FARP1: variants seen among roughly 807,000 people sequenced by gnomAD.
The protein encoded by FARP1 is FERM, ARHGEF and pleckstrin domain-containing protein 1.
In FARP1, 52 loss-of-function variants were observed where a neutral mutation model predicts 128.8. The observed-to-expected ratio is 0.40, with a 90% CI of 0.32 to 0.51. FARP1 has a LOEUF of 0.51. Among genes scored for constraint, FARP1 ranks in the 20% least tolerant of loss-of-function variants. The pLI, the probability that FARP1 is intolerant of heterozygous loss-of-function variation, is 0.45. For synonymous variants in FARP1, 580 were observed against 551.8 expected (o/e 1.05, Z -0.72); for missense variants, 1,333 against 1,367.9 (o/e 0.97, Z 0.40).
chr13:98,413,365 TTAAAAA>T (rs1265974697), intron 16 of FARP1, among the ~76,000 whole-genome samples: 11 of 152,264 alleles, frequency 7.2e-5, no homozygotes, highest in African/African-American at 2.4e-4. Context: ...CTTTTCAAAA[TTAAAAA>T]TAAAAATGTG....
rs551706415 is a variant in FARP1, at chr13:98,189,667, G to A, written c.-23-23553G>A. Among the ~76,000 whole-genome samples, 17 of 152,288 alleles carry A rather than the reference G, an allele frequency of 1.1e-4. No individual in the cohort carries two copies. The East Asian group carries it at 3.3e-3, about 29-fold the overall frequency. On this transcript the variant is annotated intron_variant, in intron 1 of 26. Transcript: ENST00000319562. ...GAGAATATTTACTTATTATTGCCATGCATATTATAGAAAACTTCTCAAGTC... is the reference window on the plus strand; with the variant it reads ...GAGAATATTTACTTATTATTGCCATACATATTATAGAAAACTTCTCAAGTC...
intron 2 of FARP1, among the ~76,000 whole-genome samples, chr13:98,325,937 A>G (rs1887214235): frequency 6.6e-6 from 1 of 152,272 alleles, no homozygotes; most frequent in African/African-American, 2.4e-5. Context: ...AGCTTGTTTT[A>G]TAGCTTCTCT....
upstream of FARP1, chr13:98,142,653 C>T (rs1875114278): frequency 6.6e-6 from 1 of 152,342 alleles, no homozygotes; most frequent in African/African-American, 2.4e-5. Flanking sequence ...ACTGTCCTCC[C>T]CGCGCGACGT....
Position 98,389,825 on chromosome 13 carries a change from T to G in FARP1, c.856-132T>G, listed in dbSNP as rs1890238519. On this transcript the variant is annotated intron_variant, in intron 9 of 26. Coordinates refer to ENST00000319562, the MANE Select transcript of FARP1 (RefSeq NM_005766.4). ...ACTAGAGTTTAGTAAGTCTTTGCACTGATGGTCATGCTATAATAAAATACA... is the reference window on the plus strand; with the variant it reads ...ACTAGAGTTTAGTAAGTCTTTGCACGGATGGTCATGCTATAATAAAATACA... 44 of 807,026 alleles carry G rather than the reference T, an allele frequency of 5.5e-5. No individual in the cohort carries two copies. The South Asian group carries it at 7.2e-4, about 13-fold the overall frequency. 50.0% of individuals were successfully genotyped at this position (807,026 alleles called of 1,614,324 possible).
At chr13:98,397,900 G>GAAAAA (rs3841606) in intron 13 of FARP1, 21 of 84,572 alleles carry the variant, frequency 2.5e-4, no homozygotes, top group African/African-American at 5.9e-4. Flanking sequence ...TTTTTTTTTT[G>GAAAAA]AAAAAAAAAA....
intron 12 of FARP1, among the ~76,000 whole-genome samples, chr13:98,394,715 G>C (rs776854400): frequency 4.6e-5 from 7 of 152,290 alleles, no homozygotes; most frequent in Non-Finnish European, 8.8e-5. Context: ...TGGGAGGATT[G>C]CTTGACCCCA....
At chr13:98,358,561 A>G (rs1220509151) in intron 3 of FARP1, among the ~76,000 whole-genome samples, 3 of 152,200 alleles carry the variant, frequency 2.0e-5, no homozygotes, top group Admixed American at 1.3e-4. Flanking sequence ...CAAATGTAAA[A>G]TTAATAAAGT....
chr13:98,238,263 C>T (rs1882552580), intron 2 of FARP1, among the ~76,000 whole-genome samples: 1 of 152,170 alleles, frequency 6.6e-6, no homozygotes, highest in Admixed American at 6.5e-5. Context: ...GACAGCAAGA[C>T]CAACCCCTCC....
chr13:98,317,523 CCCTT>C (rs1372258308), intron 2 of FARP1, among the ~76,000 whole-genome samples: 3 of 152,144 alleles, frequency 2.0e-5, no homozygotes, highest in African/African-American at 7.2e-5. Context: ...CGACAAAATC[CCCTT>C]CCTTATAGTC....
chr13:98,265,480 C>T lies in FARP1; in HGVS notation c.171+52067C>T, dbSNP rs371819031. On this transcript the variant is annotated intron_variant, in intron 2 of 26. Transcript: ENST00000319562. ...GACTACAGGCGCCCGCCACTACGCC[C>T]GGCTAATTTTTTGTATTTTTAGTAG... 1.1e-3 allele frequency among the ~76,000 whole-genome samples: 161 copies of T among 150,960 alleles called. 2 individuals carry two copies. In the East Asian group the frequency reaches 0.023, roughly 22 times the overall value.
At chr13:98,277,503 G>A (rs1884718018) in intron 2 of FARP1, among the ~76,000 whole-genome samples, 1 of 152,112 alleles carries the variant, frequency 6.6e-6, no homozygotes, top group Admixed American at 6.5e-5. Context: ...GATGATCCAT[G>A]TCCACATAAT....
At chr13:98,302,399 C>T (rs1885960949) in intron 2 of FARP1, among the ~76,000 whole-genome samples, 1 of 152,030 alleles carries the variant, frequency 6.6e-6, no homozygotes, top group Non-Finnish European at 1.5e-5. Context: ...TTTTTTTCAC[C>T]CCTGCCCACA....
chr13:98,177,073 G>C, intron 1 of FARP1: 1 of 1,597,306 alleles, frequency 6.3e-7, no homozygotes, highest in Non-Finnish European at 8.5e-7. Context: ...CTGAGCCACT[G>C]TGTCGCCCTC....
chr13:98,286,666 G>A (rs9652118), intron 2 of FARP1, among the ~76,000 whole-genome samples: 117 of 152,138 alleles, frequency 7.7e-4, no homozygotes, highest in Middle Eastern at 3.4e-3. Flanking sequence ...TATCAGCAGC[G>A]TGAAAATGGA....
chr13:98,428,388 T>C (rs3783013), intron 17 of FARP1, among the ~76,000 whole-genome samples: 16,013 of 152,102 alleles, frequency 0.11, 1,293 homozygotes, highest in East Asian at 0.31. Flanking sequence ...CCTGTACCTC[T>C]TTCTGACACT....
intron 2 of FARP1, among the ~76,000 whole-genome samples, chr13:98,262,808 AC>A (rs1210652396): frequency 6.6e-6 from 1 of 152,198 alleles, no homozygotes; most frequent in Non-Finnish European, 1.5e-5. Context: ...AAGTTAACTT[AC>A]CAGATCATTC....
chr13:98,292,658 T>G (rs968467176), intron 2 of FARP1, among the ~76,000 whole-genome samples: 2 of 152,226 alleles, frequency 1.3e-5, no homozygotes, highest in Admixed American at 6.5e-5. Context: ...AACATTGTAT[T>G]GGGCAGTACT....
upstream of FARP1, chr13:98,142,898 G>C (rs1163573611): frequency 6.6e-6 from 1 of 151,644 alleles, no homozygotes; most frequent in East Asian, 2.0e-4. Context: ...GCAGATCCCC[G>C]GCGGCGCGCT....
intron 5 of FARP1, among the ~76,000 whole-genome samples, chr13:98,375,754 G>A (rs377553774): frequency 6.6e-6 from 1 of 151,956 alleles, no homozygotes; most frequent in African/African-American, 2.4e-5. Flanking sequence ...TCAGCCTCCC[G>A]AGTAGCTGGG....
Sources: allele counts gnomAD v4.1 joint callset (sites outside exome capture counted in the v4.1 genomes callset), GRCh38; gene constraint gnomAD v4.1.1; transcripts MANE v1.5; gene names NCBI Gene and HGNC (gene_info 2026-07-23, HGNC 2026-07-21).